The following MTUS1 variants were observed in gnomAD, a reference collection of about 807,000 sequenced individuals.
The protein encoded by MTUS1 is microtubule associated scaffold protein 1, also known as microtubule-associated tumor suppressor 1.
A neutral mutation model predicts 120.8 loss-of-function variants in MTUS1; 109 were observed. The observed-to-expected ratio is 0.90, with a 90% CI of 0.77 to 1.06. The LOEUF is 1.06. Among genes scored for constraint, MTUS1 ranks in the 50% least tolerant of loss-of-function variants. The pLI, the probability that MTUS1 is intolerant of heterozygous loss-of-function variation, is 0.00. For synonymous variants in MTUS1, 737 were observed against 550.5 expected, an observed-to-expected ratio of 1.34 and a Z score of -4.74; for missense variants, 2,210 against 1,486.3, an observed-to-expected ratio of 1.49 and a Z score of -8.01.
At chr8:17,659,608 G>A (rs1301249811) in intron 8 of MTUS1, among the ~76,000 whole-genome samples, 1 of 152,162 alleles carries the variant, frequency 6.6e-6, no homozygotes, top group South Asian at 2.1e-4. Flanking sequence ...TGAGGCAGGA[G>A]AATCGCTTGA....
chr8:17,706,729 G>C (rs4367592), intron 6 of MTUS1, among the ~76,000 whole-genome samples: 78,686 of 152,064 alleles, frequency 0.52, 21,301 homozygotes, highest in Middle Eastern at 0.64. Flanking sequence ...TAATTGTATA[G>C]ATGTTCATCA....
chr8:17,684,749 T>G (rs1281214478), intron 6 of MTUS1, among the ~76,000 whole-genome samples: 2 of 152,164 alleles, frequency 1.3e-5, no homozygotes, highest in African/African-American at 4.8e-5. Flanking sequence ...ATTTATGACT[T>G]TAAAAGATTT....
intron 7 of MTUS1, among the ~76,000 whole-genome samples, chr8:17,678,579 T>C (rs7459632): frequency 0.64 from 96,933 of 151,910 alleles, 31,657 homozygotes; most frequent in East Asian, 0.82. Context: ...TTGCAGAGAA[T>C]AGCCACATCA....
intron 1 of MTUS1, among the ~76,000 whole-genome samples, chr8:17,788,522 G>C (rs1313133636): frequency 1.3e-5 from 2 of 152,086 alleles, no homozygotes; most frequent in Non-Finnish European, 2.9e-5. Context: ...CACTGAAGTA[G>C]GTCTCTGTCC....
chr8:17,752,233 A>G (rs543046222), intron 2 of MTUS1, among the ~76,000 whole-genome samples: 6 of 152,294 alleles, frequency 3.9e-5, no homozygotes, highest in African/African-American at 1.4e-4. Flanking sequence ...AAGAAACTTT[A>G]TGATAGAGTT....
chr8:17,775,882 C>T (rs925982501), intron 1 of MTUS1, among the ~76,000 whole-genome samples: 4 of 152,200 alleles, frequency 2.6e-5, no homozygotes, highest in East Asian at 1.9e-4. Flanking sequence ...CGCATGACTA[C>T]GCAGGCATTT....
intron 1 of MTUS1, among the ~76,000 whole-genome samples, chr8:17,777,971 G>C (rs1403681428): frequency 6.6e-6 from 1 of 152,128 alleles, no homozygotes; most frequent in African/African-American, 2.4e-5. Context: ...TATGATTCCT[G>C]CTATGTAAAA....
At chr8:17,731,809 T>C (rs982945971) in intron 3 of MTUS1, among the ~76,000 whole-genome samples, 2 of 152,246 alleles carry the variant, frequency 1.3e-5, no homozygotes, top group African/African-American at 2.4e-5. Context: ...ACTTTTATTA[T>C]TATTCTTTTA....
chr8:17,650,785 C>T (rs1231531694), intron 12 of MTUS1, among the ~76,000 whole-genome samples: 6 of 152,148 alleles, frequency 3.9e-5, no homozygotes, highest in Non-Finnish European at 8.8e-5. Context: ...TGTGGATTTC[C>T]CACCACCGCC....
intron 1 of MTUS1, among the ~76,000 whole-genome samples, chr8:17,778,904 G>A (rs769550179): frequency 2.0e-5 from 3 of 152,134 alleles, no homozygotes; most frequent in Non-Finnish European, 4.4e-5. Flanking sequence ...TTATAATATT[G>A]GATGACATTC....
chr8:17,768,791 G>A (rs2131431137), intron 1 of MTUS1, among the ~76,000 whole-genome samples: 1 of 152,250 alleles, frequency 6.6e-6, no homozygotes, highest in South Asian at 2.1e-4. Context: ...TGGGCAGACA[G>A]CATTCCAAAG....
rs184251076 is a variant in MTUS1 at position 17,709,501 on chromosome 8, T to C, written c.2623+3713A>G. Among the ~76,000 whole-genome samples the C allele has an allele frequency of 2.6e-3, 395 of 152,226 alleles. 1 individual carries two copies. Among genetic ancestry groups the C allele is most frequent in the African/African-American group, 9.0e-3 (375 of 41,550 alleles). The stretch of plus-strand genomic sequence containing the variant: ...CCCCTGCTCATTCTTCGCTCAGGAC[T>C]GCATCCTTAACACCTGACACTCACA... On this transcript the variant is annotated intron_variant, in intron 6 of 14. Transcript: ENST00000693296.
intron 3 of MTUS1, among the ~76,000 whole-genome samples, chr8:17,732,222 G>A (rs1367974028): frequency 5.9e-5 from 9 of 152,180 alleles, no homozygotes; most frequent in Non-Finnish European, 1.3e-4. Context: ...TTTATGAATC[G>A]TCAAACCTGG....
At chr8:17,747,718 G>T (rs1396224323) in intron 2 of MTUS1, among the ~76,000 whole-genome samples, 1 of 152,144 alleles carries the variant, frequency 6.6e-6, no homozygotes, top group Non-Finnish European at 1.5e-5. Context: ...TGGTAGGGGA[G>T]ACAAGCGGCT....
intron 8 of MTUS1, among the ~76,000 whole-genome samples, chr8:17,660,950 G>A (rs1003142206): frequency 2.6e-5 from 4 of 152,118 alleles, no homozygotes; most frequent in Admixed American, 6.5e-5. Flanking sequence ...GCCATCGCAC[G>A]CAACTCAAGC....
intron 8 of MTUS1, among the ~76,000 whole-genome samples, chr8:17,662,349 ATTTTTTT>A (rs35308070): frequency 2.3e-4 from 26 of 112,684 alleles, no homozygotes; most frequent in South Asian, 1.7e-3. Context: ...TTTTGTCCCT[ATTTTTTT>A]TTTTTTTTTT....
At chr8:17,793,138 T>C (rs117638499) in intron 1 of MTUS1, among the ~76,000 whole-genome samples, 3,339 of 152,344 alleles carry the variant, frequency 0.022, 62 homozygotes, top group South Asian at 0.036. Context: ...CTTGCGATTG[T>C]CTGCACGAAT....
Position 17,644,760 on chromosome 8 carries a change from G to C in MTUS1, c.*1166C>G, listed in dbSNP as rs912633514. The C allele has an allele frequency of 2.6e-5, 4 of 152,112 alleles. No homozygotes were observed. The highest frequency in any genetic ancestry group is 1.9e-4 in the East Asian group (1 of 5,198). 9.4% of individuals were successfully genotyped at this position (152,112 alleles called of 1,614,324 possible). A position where few individuals can be genotyped will look rare whatever the true frequency, so the allele number is the denominator to read the frequency against. ...TCCTTGTTCTCGTTCTTTATTCTAAGATTTCCCAAAATTTGTAATATCAAA... is the reference window on the plus strand; with the variant it reads ...TCCTTGTTCTCGTTCTTTATTCTAACATTTCCCAAAATTTGTAATATCAAA... On this transcript the variant is annotated 3_prime_UTR_variant, in exon 15 of 15. Coordinates refer to ENST00000693296, the MANE Select transcript of MTUS1 (RefSeq NM_001363059.2).
At position 17,754,947 on chromosome 8, in the gene MTUS1, C is replaced by T. The variant is rs11203910; in HGVS notation, c.861G>A (p.Lys287=). The T allele has an allele frequency of 0.93, 1,502,058 of 1,614,084 alleles. 700,873 individuals are homozygous for T. The highest frequency in any genetic ancestry group is 0.95 in the Middle Eastern group (5,778 of 6,062). The part of the protein sequence containing the change: ...DGSQQRLVGE[K]ETQALTPVSD... Reference sequence around the variant, plus strand: ...AAACTGGTGTTAGTGCTTGTGTCTCCTTTTCTCCAACTAGTCTTTGTTGTG... The same window carrying T: ...AAACTGGTGTTAGTGCTTGTGTCTCTTTTTCTCCAACTAGTCTTTGTTGTG... Residue 287 remains lysine (K), a synonymous_variant, in exon 2 of 15, where the codon AAG becomes AAA. Coordinates refer to ENST00000693296, the MANE Select transcript of MTUS1 (RefSeq NM_001363059.2).
Sources: gnomAD v4.1 joint callset for allele counts (sites outside exome capture counted in the v4.1 genomes callset) on GRCh38, gnomAD v4.1.1 for gene constraint, MANE v1.5 for transcripts, NCBI Gene and HGNC (gene_info 2026-07-23, HGNC 2026-07-21) for gene names.